GLT8D1: variants seen among roughly 807,000 people sequenced by gnomAD.
GLT8D1 encodes glycosyltransferase 8 domain-containing protein 1.
Under a neutral mutation model 46.2 loss-of-function variants are expected in GLT8D1, and 41 were observed. The observed-to-expected ratio is 0.89, with a 90% CI of 0.69 to 1.15. The LOEUF is 1.15. GLT8D1 is among the 50% of genes most tolerant of loss of function. GLT8D1 has a pLI of 0.00. For synonymous variants in GLT8D1, 150 were observed against 154.2 expected, an observed-to-expected ratio of 0.97 and a Z score of 0.20; for missense variants, 408 against 449.3, an observed-to-expected ratio of 0.91 and a Z score of 0.83.
rs377622839 is a variant in GLT8D1 at position 52,705,744 on chromosome 3, C to T, written c.-334G>A. 2.1e-6 allele frequency: 2 copies of T among 935,022 alleles called. No homozygotes were observed. Among genetic ancestry groups the T allele is most frequent in the Non-Finnish European group, 2.8e-6 (2 of 720,282 alleles). 57.9% of individuals were successfully genotyped at this position (935,022 alleles called of 1,614,324 possible). On this transcript the variant is annotated 5_prime_UTR_variant, in exon 1 of 10. Coordinates refer to ENST00000266014, the MANE Select transcript of GLT8D1 (RefSeq NM_018446.4). ...AGCCGCGCAGCCCCACTACGCCCAG[C>T]CAGCCCGCAGCGGTAACCGCTAGAG... is the stretch of plus-strand genomic sequence containing the variant.
Position 52,700,265 on chromosome 3 carries a change from T to C in GLT8D1, c.112A>G (p.Thr38Ala). The C allele has an allele frequency of 6.2e-7, 1 of 1,603,550 alleles. No individual in the cohort carries two copies. Among genetic ancestry groups the C allele is most frequent in the Non-Finnish European group, 8.5e-7 (1 of 1,171,162 alleles). ...SLSSLLRNEV[T>A]DSGIVGPQPI... is the part of the protein sequence containing the mutation. Reference sequence around the variant, plus strand: ...TTATTAATAAGTGCTCGCATACCTGTAACCTCATTCCTTAACAAACTGCTC... The same window carrying C: ...TTATTAATAAGTGCTCGCATACCTGCAACCTCATTCCTTAACAAACTGCTC... The change falls in exon 3 of 10, where the codon ACA becomes GCA. Residue 38 changes from threonine (T) to alanine (A), a missense_variant. Coordinates refer to ENST00000266014, the MANE Select transcript of GLT8D1 (RefSeq NM_018446.4).
At position 52,694,986 on chromosome 3, in the gene GLT8D1, C is replaced by T. The variant is rs747567493; in HGVS notation, c.975G>A (p.Lys325=). 6.2e-7 allele frequency: 1 copy of T among 1,612,732 alleles called. No homozygotes were observed. The highest frequency in any genetic ancestry group is 8.5e-7 in the Non-Finnish European group (1 of 1,178,730). ...TCAAATGTCCATTCCAATGGAGTAA[C>T]TTGGCAGCCTTTACAAACTGAGGTG... ...RYSPQFVKAA[K]LLHWNGHLKP... Residue 325 remains lysine (K), a synonymous_variant, in exon 10 of 10, where the codon AAG becomes AAA. Transcript: ENST00000266014.
intron 1 of GLT8D1, chr3:52,703,642 A>C (rs1031764591): frequency 1.3e-5 from 2 of 152,150 alleles, no homozygotes; most frequent in Admixed American, 1.3e-4. Flanking sequence ...ACAAGAGATA[A>C]TGTTTTTAGT....
At chr3:52,697,652 G>T in intron 4 of GLT8D1, 69 bp downstream of exon 4, 2 of 1,005,742 alleles carry the variant, frequency 2.0e-6, no homozygotes, top group Non-Finnish European at 3.2e-6. Context: ...CAGAAAAACA[G>T]ATCCTGGATT....
In GLT8D1 at chr3:52,697,788, G is replaced by T. The variant is rs767991102; in HGVS notation, c.262C>A (p.Gln88Lys). 12 of 1,613,942 alleles carry T rather than the reference G, an allele frequency of 7.4e-6. No homozygotes were observed. In the South Asian group the frequency reaches 1.3e-4, roughly 18 times the overall value. ...GGAIAAINSI[Q>K]HNTRSNVIFY... Reference sequence around the variant, plus strand: ...ATCACATTGGAGCGAGTGTTGTGCTGAATGCTGTTTATAGCTGCAATGGCC... The same window carrying T: ...ATCACATTGGAGCGAGTGTTGTGCTTAATGCTGTTTATAGCTGCAATGGCC... The change falls in exon 4 of 10, where the codon CAG becomes AAG. Residue 88 changes from glutamine to lysine, a missense_variant. Transcript: ENST00000266014.
At position 52,694,655 on chromosome 3, in the gene GLT8D1, A is replaced by G. The variant is rs976227251; in HGVS notation, c.*190T>C. On this transcript the variant is annotated 3_prime_UTR_variant, in exon 10 of 10. Transcript: ENST00000266014. ...AACACTTGGTAAGGCAGATGGAGAC[A>G]TATTTATAGTCTATAGTCTGTCTGG... is the stretch of plus-strand genomic sequence containing the variant. The G allele has an allele frequency of 6.4e-6, 4 of 626,508 alleles. No individual in the cohort carries two copies. Among genetic ancestry groups the G allele is most frequent in the Non-Finnish European group, 1.1e-5 (4 of 349,658 alleles). The allele number at this position is 626,508 out of a possible 1,614,324, so 38.8% of individuals were successfully genotyped here. A position where few individuals can be genotyped will look rare whatever the true frequency, so the allele number is the denominator to read the frequency against.
intron 1 of GLT8D1, chr3:52,703,194 G>T (rs1200392551): frequency 6.7e-6 from 1 of 150,234 alleles, no homozygotes; most frequent in African/African-American, 2.4e-5. Flanking sequence ...GGAGGCCAAG[G>T]CAGGTGGATC....
intron 4 of GLT8D1, 66 bp downstream of exon 4, chr3:52,697,655 C>G (rs1578588491): frequency 3.9e-6 from 4 of 1,034,818 alleles, no homozygotes; most frequent in East Asian, 4.7e-5. Context: ...AAAAACAGAT[C>G]CTGGATTGGC....
intron 7 of GLT8D1, 158 bp from the exon 8 acceptor site, chr3:52,695,745 T>A: frequency 1.6e-6 from 1 of 639,276 alleles, no homozygotes. Flanking sequence ...GTTGACATAA[T>A]AAACCAGATG....
At chr3:52,698,147 T>C (rs1312239099) in intron 3 of GLT8D1, among the ~76,000 whole-genome samples, 2 of 152,232 alleles carry the variant, frequency 1.3e-5, no homozygotes, top group African/African-American at 4.8e-5. Context: ...GACAGCACTT[T>C]GGTACACTAC....
chr3:52,704,008 A>T lies in GLT8D1; in HGVS notation c.-37+1439T>A, dbSNP rs1355071575. ...AGCAACACAGTTGGTCCTCAGTATC[A>T]GTCGGGGATTGGCTCCAGGACTCCC... On this transcript the variant is annotated intron_variant, in intron 1 of 9. Transcript: ENST00000266014. 6.6e-5 allele frequency: 10 copies of T among 152,198 alleles called. No individual in the cohort carries two copies. In the East Asian group the frequency reaches 1.9e-3, roughly 29 times the overall value. 9.4% of individuals were successfully genotyped at this position (152,198 alleles called of 1,614,324 possible). A position where few individuals can be genotyped will look rare whatever the true frequency, so the allele number is the denominator to read the frequency against.
chr3:52,696,361 T>C, intron 5 of GLT8D1, 43 bp from the exon 6 acceptor site: 1 of 1,340,148 alleles, frequency 7.5e-7, no homozygotes, highest in Non-Finnish European at 1.1e-6. Flanking sequence ...CCGCACTAGC[T>C]GTGCTTTTAT....
chr3:52,695,962 G>A lies in GLT8D1; in HGVS notation c.611C>T (p.Ser204Phe), dbSNP rs1313359156. Residue 204 changes from serine to phenylalanine, a missense_variant, in exon 7 of 10, where the codon TCT (serine) becomes TTT (phenylalanine). Ser to Phe is a radical substitution (Grantham distance 155, BLOSUM62 -2). Coordinates refer to ENST00000266014, the MANE Select transcript of GLT8D1 (RefSeq NM_018446.4). ...TGCTCCACGGATGACAACTTTAGTA[G>A]AGGCTGAATCACAATCTTCTGAAAA... ...AAFSEDCDSA[S>F]TKVVIRGAGN... is the part of the protein sequence containing the mutation. 1 of 1,611,504 alleles carries A rather than the reference G, an allele frequency of 6.2e-7. No homozygotes were observed. Among genetic ancestry groups the A allele is most frequent in the African/African-American group, 1.3e-5 (1 of 74,886 alleles).
At chr3:52,698,058 G>A (rs1488098484) in intron 3 of GLT8D1, 124 bp from the exon 4 acceptor site, 1 of 665,860 alleles carries the variant, frequency 1.5e-6, no homozygotes, top group African/African-American at 1.8e-5. Flanking sequence ...CCATTAAACT[G>A]AAGCATATAG....
chr3:52,695,385 A>C, intron 8 of GLT8D1, 36 bp downstream of exon 8: 1 of 1,593,980 alleles, frequency 6.3e-7, no homozygotes, highest in Non-Finnish European at 8.6e-7. Context: ...ATTGAAATAC[A>C]ACAGTTTTTC....
rs1282644858 is a variant in GLT8D1 at position 52,695,191 on chromosome 3, A to G, written c.924T>C (p.Leu308=). 1.9e-6 allele frequency: 3 copies of G among 1,594,394 alleles called. No homozygotes were observed. Among genetic ancestry groups the G allele is most frequent in the Non-Finnish European group, 1.7e-6 (2 of 1,162,990 alleles). ...TIDPMWNVRH[L]GSSAGKRYSP... ...ATGCCACTGGTTAATTCTACTTACC[A>G]AGGTGGCGGACATTCCACATAGGAT... Residue 308 remains leucine, a splice_region_variant and synonymous_variant, in exon 9 of 10, where the codon CTT becomes CTC. Transcript: ENST00000266014.
At chr3:52,704,304 C>CA (rs1309414335) in intron 1 of GLT8D1, among the ~76,000 whole-genome samples, 1 of 151,492 alleles carries the variant, frequency 6.6e-6, no homozygotes, top group African/African-American at 2.4e-5. Flanking sequence ...ACTAAAATCA[C>CA]AAAAATTAGC....
Position 52,700,311 on chromosome 3 carries a change from C to T in GLT8D1, c.66G>A (p.Leu22=). The T allele has an allele frequency of 6.2e-7, 1 of 1,613,770 alleles. No homozygotes were observed. Among genetic ancestry groups the T allele is most frequent in the African/African-American group, 1.3e-5 (1 of 75,014 alleles). ...TGCTCAAGCTGAGGAAGTTATGGTG[C>T]AAAACCAGTAAGAAGAGAGCAACAG... ...VLAVALFLLV[L]HHNFLSLSSL... The change falls in exon 3 of 10, where the codon TTG becomes TTA. Residue 22 remains leucine, a synonymous_variant. Coordinates refer to ENST00000266014, the MANE Select transcript of GLT8D1 (RefSeq NM_018446.4).
chr3:52,701,139 A>G (rs2097339020), intron 1 of GLT8D1: 1 of 152,208 alleles, frequency 6.6e-6, no homozygotes, highest in Admixed American at 6.5e-5. Context: ...CACGTTGTCT[A>G]TGACCAAGTA....
Sources: gnomAD v4.1 joint callset for allele counts (sites outside exome capture counted in the v4.1 genomes callset) on GRCh38, gnomAD v4.1.1 for gene constraint, MANE v1.5 for transcripts, NCBI Gene and HGNC (gene_info 2026-07-23, HGNC 2026-07-21) for gene names.